Variants in DNAH8 observed in about 807,000 individuals in gnomAD.
DNAH8 encodes axonemal beta dynein heavy chain 8.
A neutral mutation model predicts 562.1 loss-of-function variants in DNAH8; 382 were observed. The ratio of observed to expected loss-of-function variants is 0.68; its 90% CI spans 0.63 to 0.74. The LOEUF (loss-of-function observed/expected upper bound fraction) is 0.74, where lower values mean the gene tolerates loss of function less well. Among genes scored for constraint, DNAH8 ranks in the 30% least tolerant of loss-of-function variants. The probability of loss-of-function intolerance (pLI) is 0.00; values close to 1 mark genes in which losing one functional copy is unlikely to be tolerated. For missense variants in DNAH8, 5,203 were observed against 5,620.4 expected (o/e 0.93, Z 2.37); for synonymous variants, 1,881 against 1,919.4 (o/e 0.98, Z 0.52).
chr6:38,770,587 A>G, intron 12 of DNAH8, 28 bp downstream of exon 12: 1 of 1,525,952 alleles, frequency 6.6e-7, no homozygotes, highest in Non-Finnish European at 8.7e-7. Flanking sequence ...ATCGTACCCC[A>G]CTCCACACCA....
chr6:38,883,937 G>A lies in DNAH8; in HGVS notation c.8198G>A (p.Arg2733Lys). 1 of 1,591,560 alleles carries A rather than the reference G, an allele frequency of 6.3e-7. No individual in the cohort carries two copies. Among genetic ancestry groups the A allele is most frequent in the Non-Finnish European group, 8.6e-7 (1 of 1,167,510 alleles). Reference sequence around the variant, plus strand: ...AGCACATATGGGCCACCAGGAGGGAGAAAAATGACTGTATTTATTGATGAT... The same window carrying A: ...AGCACATATGGGCCACCAGGAGGGAAAAAAATGACTGTATTTATTGATGAT... ...IGSTYGPPGGRKMTVFIDDIN... is the reference protein window; with the variant it reads ...IGSTYGPPGGKKMTVFIDDIN... The change falls in exon 56 of 93, where the codon AGA becomes AAA. Residue 2733 changes from arginine to lysine, a missense_variant. Arg to Lys is a conservative substitution (Grantham distance 26, BLOSUM62 2). Around this residue, in one of 6 missense-constraint regions of DNAH8, gnomAD observed 977 missense variants for 1,061.8 expected, o/e 0.92. Coordinates refer to ENST00000327475, the MANE Select transcript of DNAH8 (RefSeq NM_001206927.2).
At chr6:38,874,651 G>A (rs1453989142) in intron 52 of DNAH8, among the ~76,000 whole-genome samples, 2 of 151,774 alleles carry the variant, frequency 1.3e-5, no homozygotes, top group Non-Finnish European at 2.9e-5. Context: ...TTGCAGGCAT[G>A]AGCCACCATG....
At chr6:38,936,368 A>G (rs1782970174) in intron 77 of DNAH8, 1 of 152,144 alleles carries the variant, frequency 6.6e-6, no homozygotes, top group Non-Finnish European at 1.5e-5. Flanking sequence ...ATCATGCCAC[A>G]CCTCAATTTG....
rs1781381785 is a variant in DNAH8, at chr6:38,917,348, C to T, written c.10250C>T (p.Pro3417Leu). 2 of 1,613,486 alleles carry T rather than the reference C, an allele frequency of 1.2e-6. No homozygotes were observed. The highest frequency in any genetic ancestry group is 1.7e-6 in the Non-Finnish European group (2 of 1,179,684). Residue 3417 changes from proline to leucine, a missense_variant, in exon 69 of 93, where the codon CCT (proline) becomes CTT (leucine). By Grantham distance (98) the Pro-to-Leu change is moderately conservative (BLOSUM62 -3). This residue lies in a region of DNAH8 where 87 missense variants were observed against 144.9 expected (regional missense o/e 0.60). Transcript: ENST00000327475. ...VLLLFQKKID[P>L]VTMDPEKSCC... is the part of the protein sequence containing the mutation. The stretch of plus-strand genomic sequence containing the variant: ...TTACTATTTCAAAAGAAAATTGACC[C>T]TGTTACTATGGATCCAGAAAAATCT...
chr6:38,770,668 T>C, intron 12 of DNAH8, 109 bp downstream of exon 12: 1 of 1,027,564 alleles, frequency 9.7e-7, no homozygotes. Flanking sequence ...TTGTCCACTA[T>C]TGTTATGACT....
At chr6:38,838,073 G>T (rs779172909) in intron 33 of DNAH8, 31 bp downstream of exon 33, 2 of 1,369,522 alleles carry the variant, frequency 1.5e-6, no homozygotes, top group South Asian at 2.4e-5. Context: ...AGTATTACAT[G>T]CAAATAATTA....
chr6:38,772,593 G>T (rs1206046551), intron 12 of DNAH8, among the ~76,000 whole-genome samples: 7 of 152,056 alleles, frequency 4.6e-5, no homozygotes, highest in Admixed American at 1.3e-4. Flanking sequence ...TATATATGCT[G>T]GGTATAACTT....
chr6:38,731,090 T>C (rs1417369276), intron 4 of DNAH8, among the ~76,000 whole-genome samples: 1 of 152,248 alleles, frequency 6.6e-6, no homozygotes, highest in African/African-American at 2.4e-5. Flanking sequence ...CGATAAAATA[T>C]GTAAACTCGC....
intron 85 of DNAH8, among the ~76,000 whole-genome samples, chr6:38,979,772 G>A (rs946659748): frequency 1.3e-5 from 2 of 152,124 alleles, no homozygotes; most frequent in Non-Finnish European, 2.9e-5. Flanking sequence ...TGTTTCCATA[G>A]AGTCAATTTG....
At chr6:39,022,277 G>A (rs1478415106) in intron 91 of DNAH8, among the ~76,000 whole-genome samples, 3 of 152,062 alleles carry the variant, frequency 2.0e-5, no homozygotes, top group African/African-American at 7.2e-5. Flanking sequence ...AACCCCAGGG[G>A]GATGCAGAAA....
At chr6:38,791,001 G>A (rs1371136923) in intron 20 of DNAH8, among the ~76,000 whole-genome samples, 1 of 152,122 alleles carries the variant, frequency 6.6e-6, no homozygotes, top group African/African-American at 2.4e-5. Flanking sequence ...AGTGGCAGAG[G>A]AGAGTGCTTA....
At chr6:38,793,232 C>T (rs1769920581) in intron 21 of DNAH8, among the ~76,000 whole-genome samples, 1 of 152,044 alleles carries the variant, frequency 6.6e-6, no homozygotes, top group African/African-American at 2.4e-5. Flanking sequence ...TGGCTCACTG[C>T]AGACTAGAAT....
intron 83 of DNAH8, 171 bp downstream of exon 83, chr6:38,971,836 G>C (rs1466264959): frequency 2.1e-6 from 1 of 472,090 alleles, no homozygotes; most frequent in Admixed American, 4.0e-5. Context: ...CGCATGGAAA[G>C]CTTATTCCAT....
In DNAH8 at chr6:38,863,859, G is replaced by A. The variant is rs373968930; in HGVS notation, c.6311-14G>A. ...TAGAGTAAAACTTTACAAATTAACT[G>A]TTTTTCATGCCAGGTCTTGCACAGT... is the stretch of plus-strand genomic sequence containing the variant. On this transcript the variant is annotated splice_polypyrimidine_tract_variant and intron_variant, in intron 44 of 92. Transcript: ENST00000327475. The A allele has an allele frequency of 1.7e-4, 273 of 1,569,768 alleles. No homozygotes were observed. The highest frequency in any genetic ancestry group is 2.3e-4 in the Non-Finnish European group (264 of 1,166,104).
intron 10 of DNAH8, among the ~76,000 whole-genome samples, chr6:38,757,029 T>TC (rs1179894986): frequency 6.6e-6 from 1 of 152,196 alleles, no homozygotes; most frequent in East Asian, 1.9e-4. Context: ...CCTTTGGGTA[T>TC]ATACCCAGTA....
At chr6:38,846,757 T>C (rs1156988258) in intron 36 of DNAH8, among the ~76,000 whole-genome samples, 1 of 152,186 alleles carries the variant, frequency 6.6e-6, no homozygotes, top group Non-Finnish European at 1.5e-5. Context: ...GATGACCTCT[T>C]GATGAAGGGC....
chr6:38,900,925 T>C (rs1362816119), intron 62 of DNAH8, among the ~76,000 whole-genome samples: 1 of 152,200 alleles, frequency 6.6e-6, no homozygotes, highest in Non-Finnish European at 1.5e-5. Context: ...AGCAATTCTG[T>C]GTGTGGAGTG....
At chr6:38,782,363 C>T (rs1768710266) in intron 16 of DNAH8, among the ~76,000 whole-genome samples, 1 of 152,084 alleles carries the variant, frequency 6.6e-6, no homozygotes, top group African/African-American at 2.4e-5. Context: ...TCACTGCAAC[C>T]TCCGCATCCT....
chr6:38,778,183 T>C (rs1768247946), intron 13 of DNAH8, among the ~76,000 whole-genome samples: 1 of 152,232 alleles, frequency 6.6e-6, no homozygotes, highest in Admixed American at 6.5e-5. Flanking sequence ...GACATCTTGC[T>C]TCTAAGTAGT....
Sources: gnomAD v4.1 joint callset for allele counts (sites outside exome capture counted in the v4.1 genomes callset) on GRCh38, gnomAD v4.1.1 for gene constraint, gnomAD v4.1.1 regional missense constraint, MANE v1.5 for transcripts, NCBI Gene and HGNC (gene_info 2026-07-23, HGNC 2026-07-21) for gene names.